SMIM41: variants seen among roughly 807,000 people sequenced by gnomAD.
SMIM41 encodes small integral membrane protein 41.
chr12:52,100,622 A>ATTTTTTTT (rs1173057236), intron 2 of SMIM41, among the ~76,000 whole-genome samples: 112 of 111,122 alleles, frequency 1.0e-3, no homozygotes, highest in African/African-American at 1.5e-3. Flanking sequence ...GCGCCCAGCT[A>ATTTTTTTT]TTTTTTTTTT....
intron 2 of SMIM41, chr12:52,091,954 T>C (rs1940011737): frequency 6.6e-6 from 1 of 152,270 alleles, no homozygotes; most frequent in Admixed American, 6.5e-5. Context: ...ATCAAATAAT[T>C]CCAAAATGTT....
At chr12:52,095,956 T>A (rs544409078) in intron 2 of SMIM41, among the ~76,000 whole-genome samples, 2 of 152,100 alleles carry the variant, frequency 1.3e-5, no homozygotes, top group East Asian at 3.9e-4. Flanking sequence ...CCTCTCCGCC[T>A]TTGAATATTA....
At chr12:52,088,590 G>A (rs150217689) in intron 2 of SMIM41, among the ~76,000 whole-genome samples, 8 of 152,304 alleles carry the variant, frequency 5.3e-5, no homozygotes, top group African/African-American at 9.6e-5. Context: ...CAGCCAGTGC[G>A]TCACCAAATA....
chr12:52,089,800 A>T (rs1421754948), intron 2 of SMIM41, among the ~76,000 whole-genome samples: 1 of 152,216 alleles, frequency 6.6e-6, no homozygotes, highest in Non-Finnish European at 1.5e-5. Flanking sequence ...TTATGAAGAC[A>T]CCAGTCCTTT....
At chr12:52,097,466 C>A (rs1187627079) in intron 2 of SMIM41, among the ~76,000 whole-genome samples, 1 of 151,998 alleles carries the variant, frequency 6.6e-6, no homozygotes, top group African/African-American at 2.4e-5. Context: ...GGGGTGTGGA[C>A]ACTCCCCGCT....
intron 2 of SMIM41, among the ~76,000 whole-genome samples, chr12:52,090,056 GTTGT>G (rs367626341): frequency 3.2e-4 from 48 of 151,486 alleles, no homozygotes; most frequent in East Asian, 9.7e-4. Context: ...CCAAGAAGGT[GTTGT>G]TTGTTTGTTT....
intron 2 of SMIM41, among the ~76,000 whole-genome samples, chr12:52,093,089 T>G (rs181429129): frequency 3.3e-5 from 5 of 152,236 alleles, no homozygotes; most frequent in African/African-American, 1.2e-4. Flanking sequence ...TCCCAGCTAC[T>G]CGAGAGGTTG....
chr12:52,087,304 A>G (rs1213454661), intron 2 of SMIM41, among the ~76,000 whole-genome samples: 1 of 152,010 alleles, frequency 6.6e-6, no homozygotes, highest in African/African-American at 2.4e-5. Flanking sequence ...TGCCACCTTA[A>G]AATAGCGCTC....
intron 2 of SMIM41, among the ~76,000 whole-genome samples, chr12:52,107,000 A>T (rs1940353524): frequency 6.6e-6 from 1 of 152,218 alleles, no homozygotes; most frequent in South Asian, 2.1e-4. Flanking sequence ...TGGTTTTATT[A>T]CATATTTTTC....
chr12:52,083,135 C>T (rs1316095351), intron 1 of SMIM41, among the ~76,000 whole-genome samples: 1 of 152,176 alleles, frequency 6.6e-6, no homozygotes. Context: ...GAAGTGGCCA[C>T]ACATCCTGGA....
chr12:52,099,125 T>C (rs1241162233), intron 2 of SMIM41, among the ~76,000 whole-genome samples: 4 of 150,852 alleles, frequency 2.7e-5, no homozygotes, highest in East Asian at 3.9e-4. Context: ...GGGATGTGTG[T>C]ACCCCCTGCG....
At chr12:52,107,322 G>A (rs1940360696) in intron 2 of SMIM41, 57 bp from the exon 3 acceptor site, 1 of 467,286 alleles carries the variant, frequency 2.1e-6, no homozygotes, top group Admixed American at 2.4e-5. Context: ...GGCAAAAGTT[G>A]TCCAAACTAT....
In SMIM41 at chr12:52,091,788, G is replaced by A. The variant is rs181479660; in HGVS notation, c.*195+7820G>A. On this transcript the variant is annotated intron_variant, in intron 2 of 2. Transcript: ENST00000546390. ...TCCCAGAAATGTCCCAGAATCTAACGGAGGCACATTGGAGTTGGTCATATG... is the reference window on the plus strand; with the variant it reads ...TCCCAGAAATGTCCCAGAATCTAACAGAGGCACATTGGAGTTGGTCATATG... Among the ~76,000 whole-genome samples the A allele has an allele frequency of 3.9e-5, 6 of 152,280 alleles. No individual in the cohort carries two copies. The East Asian group carries it at 1.2e-3, about 29-fold the overall frequency.
chr12:52,086,608 GCACGCC>G (rs980373035), intron 2 of SMIM41, among the ~76,000 whole-genome samples: 9 of 152,292 alleles, frequency 5.9e-5, no homozygotes, highest in African/African-American at 1.7e-4. Context: ...GGCTGCAGCC[GCACGCC>G]CACGCCCACG....
chr12:52,105,621 C>T (rs114105348), intron 2 of SMIM41, among the ~76,000 whole-genome samples: 4,980 of 152,050 alleles, frequency 0.033, 224 homozygotes, highest in East Asian at 0.16. Context: ...GGCATAGTGG[C>T]GGGCGCCTGT....
At chr12:52,088,790 GGTGTCCACTGCTCATA>G (rs1214564736) in intron 2 of SMIM41, among the ~76,000 whole-genome samples, 4 of 152,068 alleles carry the variant, frequency 2.6e-5, no homozygotes, top group Non-Finnish European at 5.9e-5. Flanking sequence ...CCCTCAATGT[GGTGTCCACTGCTCATA>G]GGATGGCATC....
At chr12:52,100,081 C>T (rs908412996) in intron 2 of SMIM41, among the ~76,000 whole-genome samples, 2 of 151,622 alleles carry the variant, frequency 1.3e-5, no homozygotes, top group Admixed American at 6.6e-5. Flanking sequence ...TAATATGATC[C>T]TCTCCCCCCC....
intron 2 of SMIM41, among the ~76,000 whole-genome samples, chr12:52,098,746 T>C (rs930727634): frequency 8.9e-6 from 1 of 111,964 alleles, no homozygotes; most frequent in African/African-American, 3.1e-5. Flanking sequence ...GGGGGGGGGG[T>C]GTACTGCCTC....
chr12:52,080,011 GAGCCCGAGCCGGGCA>G lies in SMIM41; in HGVS notation c.233_247del (p.Glu78_Ser83delinsGly). On this transcript the variant is annotated inframe_deletion, in exon 1 of 3. Coordinates refer to ENST00000546390, the MANE Select transcript of SMIM41 (RefSeq NM_001369216.1). ...GACCCGCGAGCAGCGCGCGTCCCGCGAGCCCGAGCCGGGCAGTGCCAGCGGAGAGGACGGCGACGA... is the reference window on the plus strand; with the variant it reads ...GACCCGCGAGCAGCGCGCGTCCCGCGGTGCCAGCGGAGAGGACGGCGACGA... 1 of 373,452 alleles carries G rather than the reference GAGCCCGAGCCGGGCA, an allele frequency of 2.7e-6. No individual in the cohort carries two copies. The allele number at this position is 373,452 out of a possible 1,614,324, so 23.1% of individuals were successfully genotyped here. A position where few individuals can be genotyped will look rare whatever the true frequency, so the allele number is the denominator to read the frequency against.
Sources: gnomAD v4.1 joint callset for allele counts (sites outside exome capture counted in the v4.1 genomes callset) on GRCh38, gnomAD v4.1.1 for gene constraint, MANE v1.5 for transcripts, NCBI Gene and HGNC (gene_info 2026-07-23, HGNC 2026-07-21) for gene names.